Variants in COL26A1 observed in about 807,000 individuals in gnomAD.
COL26A1 encodes the protein collagen alpha-1(XXVI) chain.
In COL26A1, 41 loss-of-function variants were observed where a neutral mutation model predicts 59.3. That is an observed-to-expected ratio of 0.69 (90% confidence interval 0.54 to 0.90). The LOEUF is 0.90. Ranked by LOEUF, COL26A1 falls within the 40% of genes least tolerant of loss-of-function variation. COL26A1 has a pLI of 0.00. For missense variants in COL26A1, 612 were observed against 602.3 expected, an observed-to-expected ratio of 1.02 and a Z score of -0.17; for synonymous variants, 266 against 256.0, an observed-to-expected ratio of 1.04 and a Z score of -0.37.
intron 4 of COL26A1, among the ~76,000 whole-genome samples, chr7:101,535,745 TCA>T (rs528621448): frequency 2.5e-4 from 38 of 152,328 alleles, no homozygotes; most frequent in African/African-American, 8.4e-4. Flanking sequence ...CCTCTGGATC[TCA>T]GTCGGATGGC....
chr7:101,545,631 C>A, intron 7 of COL26A1, 141 bp downstream of exon 7: 3 of 831,692 alleles, frequency 3.6e-6, no homozygotes, highest in Non-Finnish European at 5.3e-6. Flanking sequence ...CTCCTGCAGG[C>A]CTCCTCCAGG....
chr7:101,454,994 A>G (rs1793434449), intron 3 of COL26A1, among the ~76,000 whole-genome samples: 1 of 151,230 alleles, frequency 6.6e-6, no homozygotes. Flanking sequence ...AATTGTATAT[A>G]TGGATCTATG....
chr7:101,442,083 G>T (rs1175679521), intron 2 of COL26A1, among the ~76,000 whole-genome samples: 1 of 152,180 alleles, frequency 6.6e-6, no homozygotes, highest in Non-Finnish European at 1.5e-5. Flanking sequence ...CTGATTTTTT[G>T]GCATCAGCTG....
Position 101,470,077 on chromosome 7 carries a change from T to A in COL26A1, c.385+22290T>A, listed in dbSNP as rs147442230. 1.8e-3 allele frequency among the ~76,000 whole-genome samples: 274 copies of A among 150,356 alleles called. 1 individual carries two copies. Among genetic ancestry groups the A allele is most frequent in the African/African-American group, 6.2e-3 (255 of 41,014 alleles). On this transcript the variant is annotated intron_variant, in intron 3 of 12. Transcript: ENST00000313669. ...GCTCTCTCTGCTGCAGAGAGAGGGG[T>A]CCCGGAGAAATGGATTGCCTTTTTT...
chr7:101,366,472 T>C (rs1447703334), intron 1 of COL26A1, among the ~76,000 whole-genome samples: 1 of 130,044 alleles, frequency 7.7e-6, no homozygotes, highest in Non-Finnish European at 1.6e-5. Flanking sequence ...TGTTAACGTC[T>C]GATTTTTTTT....
At chr7:101,497,173 G>C (rs187184487) in intron 3 of COL26A1, among the ~76,000 whole-genome samples, 99 of 152,210 alleles carry the variant, frequency 6.5e-4, no homozygotes, top group African/African-American at 1.5e-3. Flanking sequence ...GGGAGGCAGA[G>C]GTTGCAGTGA....
At chr7:101,507,387 T>G (rs1490782134) in intron 3 of COL26A1, among the ~76,000 whole-genome samples, 1 of 151,974 alleles carries the variant, frequency 6.6e-6, no homozygotes, top group Non-Finnish European at 1.5e-5. Flanking sequence ...CTCTAATCCA[T>G]CTCCTCTTTT....
chr7:101,387,743 TA>T (rs1791616091), intron 1 of COL26A1, among the ~76,000 whole-genome samples: 1 of 104,036 alleles, frequency 9.6e-6, no homozygotes, highest in Non-Finnish European at 1.8e-5. Flanking sequence ...TAATTATATA[TA>T]TATATATATT....
intron 3 of COL26A1, among the ~76,000 whole-genome samples, chr7:101,448,346 G>T (rs912542246): frequency 2.0e-5 from 3 of 152,180 alleles, no homozygotes; most frequent in African/African-American, 7.2e-5. Context: ...ACTTAGGTGG[G>T]CCAGCAGTGG....
intron 1 of COL26A1, among the ~76,000 whole-genome samples, chr7:101,367,006 G>A (rs1040293002): frequency 4.6e-5 from 7 of 152,226 alleles, no homozygotes; most frequent in Admixed American, 3.9e-4. Flanking sequence ...CTTCCCAGTG[G>A]TGTAGTTAAC....
intron 10 of COL26A1, among the ~76,000 whole-genome samples, chr7:101,552,675 G>A (rs968423271): frequency 1.3e-5 from 2 of 152,322 alleles, no homozygotes; most frequent in East Asian, 1.9e-4. Flanking sequence ...GGGAGGCCAA[G>A]GCAGGCAGAT....
chr7:101,369,443 CTTT>C (rs1210867917), intron 1 of COL26A1, among the ~76,000 whole-genome samples: 162 of 75,896 alleles, frequency 2.1e-3, no homozygotes, highest in African/African-American at 8.6e-3. Flanking sequence ...TAATCTGCAT[CTTT>C]TTTTTTTTTT....
chr7:101,501,217 GAA>G (rs111556828), intron 3 of COL26A1, among the ~76,000 whole-genome samples: 204 of 113,032 alleles, frequency 1.8e-3, no homozygotes, highest in Middle Eastern at 5.6e-3. Flanking sequence ...GAAAAGAAAA[GAA>G]AAAAAAAAAA....
At chr7:101,369,443 CTTTTTTTTTTT>C (rs1210867917) in intron 1 of COL26A1, among the ~76,000 whole-genome samples, 1 of 75,894 alleles carries the variant, frequency 1.3e-5, no homozygotes, top group Non-Finnish European at 2.2e-5. Context: ...TAATCTGCAT[CTTTTTTTTTTT>C]TTTTTTTTTT....
intron 1 of COL26A1, among the ~76,000 whole-genome samples, chr7:101,405,064 A>T (rs1792095596): frequency 6.6e-6 from 1 of 152,012 alleles, no homozygotes; most frequent in East Asian, 1.9e-4. Context: ...TCTACTAAAA[A>T]TACAAAAATT....
chr7:101,444,728 T>A (rs1486205136), intron 2 of COL26A1, among the ~76,000 whole-genome samples: 1 of 151,642 alleles, frequency 6.6e-6, no homozygotes, highest in Non-Finnish European at 1.5e-5. Context: ...TTTCTTTCTT[T>A]ATCATCTTGG....
chr7:101,516,701 C>T (rs1042599075), intron 3 of COL26A1, among the ~76,000 whole-genome samples: 4 of 152,158 alleles, frequency 2.6e-5, no homozygotes, highest in African/African-American at 9.7e-5. Context: ...AAGGGCCAAA[C>T]AACTGAGGTT....
intron 2 of COL26A1, among the ~76,000 whole-genome samples, chr7:101,434,879 G>T (rs769652738): frequency 2.8e-5 from 4 of 144,196 alleles, no homozygotes; most frequent in Non-Finnish European, 6.0e-5. Flanking sequence ...CTCTCCTCGT[G>T]TGTACAGGGT....
At chr7:101,362,657 A>C (rs1441889122), upstream of COL26A1, among the ~76,000 whole-genome samples, 1 of 152,156 alleles carries the variant, frequency 6.6e-6, no homozygotes, top group Non-Finnish European at 1.5e-5. Context: ...TTGGTTTCAA[A>C]GGTTCTAAGG....
Sources: gnomAD v4.1 joint callset for allele counts (sites outside exome capture counted in the v4.1 genomes callset) on GRCh38, gnomAD v4.1.1 for gene constraint, MANE v1.5 for transcripts, NCBI Gene and HGNC (gene_info 2026-07-23, HGNC 2026-07-21) for gene names.